ZNF568: variants seen among roughly 807,000 people sequenced by gnomAD.
The protein encoded by ZNF568 is p53 inhibitor of SCO2 activation.
In ZNF568, 11 loss-of-function variants were observed where a neutral mutation model predicts 18.1. The observed-to-expected ratio is 0.61, with a 90% CI of 0.38 to 1.00. ZNF568 has a LOEUF of 1.00. Ranked by LOEUF, ZNF568 falls within the 50% of genes least tolerant of loss-of-function variation. The pLI is 0.01. For synonymous variants in ZNF568, 213 were observed against 246.6 expected, an observed-to-expected ratio of 0.86 and a Z score of 1.28; for missense variants, 639 against 768.2, an observed-to-expected ratio of 0.83 and a Z score of 1.99.
In ZNF568 at chr19:36,951,364, G is replaced by A. The variant is rs918924398; in HGVS notation, c.*276G>A. On this transcript the variant is annotated 3_prime_UTR_variant, in exon 7 of 7. Coordinates refer to ENST00000333987, the MANE Select transcript of ZNF568 (RefSeq NM_198539.4). ...ATGATTATAAAATTCATGTGAAATA[G>A]AAGTGTATGAATTGCTGCGACAATT... 3 of 256,498 alleles carry A rather than the reference G, an allele frequency of 1.2e-5. No individual in the cohort carries two copies. The highest frequency in any genetic ancestry group is 5.0e-5 in the Admixed American group (1 of 19,810). 15.9% of individuals were successfully genotyped at this position (256,498 alleles called of 1,614,324 possible).
intron 6 of ZNF568, among the ~76,000 whole-genome samples, chr19:36,939,571 A>C: frequency 8.7e-6 from 1 of 115,458 alleles, no homozygotes; most frequent in Non-Finnish European, 1.6e-5. Context: ...ACGGAGTCTC[A>C]CTCTGTCATC....
At chr19:36,934,289 ATCT>A (rs956054444) in intron 4 of ZNF568, among the ~76,000 whole-genome samples, 4 of 143,230 alleles carry the variant, frequency 2.8e-5, no homozygotes, top group Non-Finnish European at 6.1e-5. Context: ...TAGTTTGATC[ATCT>A]TCTTCTAGTA....
intron 2 of ZNF568, among the ~76,000 whole-genome samples, chr19:36,990,029 T>C (rs2074410459): frequency 6.6e-6 from 1 of 152,186 alleles, no homozygotes; most frequent in African/African-American, 2.4e-5. Context: ...GGAATTGATG[T>C]TGATTTATTG....
intron 2 of ZNF568, 91 bp from the exon 3 acceptor site, chr19:36,922,495 G>A (rs549136324): frequency 2.1e-5 from 7 of 329,354 alleles, no homozygotes; most frequent in South Asian, 1.4e-4. Flanking sequence ...ACCAGAAGAC[G>A]GTGGTCACTG....
chr19:36,918,148 A>G (rs1406104729), intron 2 of ZNF568, among the ~76,000 whole-genome samples: 1 of 152,098 alleles, frequency 6.6e-6, no homozygotes, highest in African/African-American at 2.4e-5. Flanking sequence ...GGGTTTCACC[A>G]TGTTAGCCAC....
chr19:36,946,525 C>T (rs1290775797), intron 6 of ZNF568, among the ~76,000 whole-genome samples: 1 of 151,542 alleles, frequency 6.6e-6, no homozygotes, highest in Non-Finnish European at 1.5e-5. Flanking sequence ...ATAAGGAATC[C>T]ATCGTTGTTA....
intron 2 of ZNF568, among the ~76,000 whole-genome samples, chr19:36,987,822 C>CTGTGTGTGTGTGTGTGTGTG (rs56000710): frequency 0.04 from 5,815 of 146,270 alleles, 142 homozygotes; most frequent in East Asian, 0.06. Context: ...AACACAGACT[C>CTGTGTGTGTGTGTGTGTGTG]TGTGTGTGTG....
intron 4 of ZNF568, among the ~76,000 whole-genome samples, chr19:36,993,411 G>T (rs1221910889): frequency 6.6e-6 from 1 of 152,110 alleles, no homozygotes; most frequent in East Asian, 1.9e-4. Context: ...TTGGTATCAG[G>T]GTAATACAGG....
chr19:36,949,808 G>A lies in ZNF568; in HGVS notation c.655G>A (p.Val219Ile). The part of the protein sequence containing the change: ...KPFYHCASYV[V>I]TPFKCNQCGQ... ...ATTTTACCATTGTGCATCCTATGTT[G>A]TAACCCCCTTTAAGTGTAATCAGTG... Residue 219 changes from valine (V) to isoleucine (I), a missense_variant, in exon 7 of 7, where the codon GTA (valine) becomes ATA (isoleucine). Transcript: ENST00000333987. 2 of 1,613,968 alleles carry A rather than the reference G, an allele frequency of 1.2e-6. No individual in the cohort carries two copies. Among genetic ancestry groups the A allele is most frequent in the Non-Finnish European group, 1.7e-6 (2 of 1,179,938 alleles).
intron 4 of ZNF568, among the ~76,000 whole-genome samples, chr19:36,927,893 A>G (rs2073601465): frequency 3.9e-5 from 1 of 25,330 alleles, no homozygotes; most frequent in African/African-American, 2.3e-4. Flanking sequence ...TATATTATAT[A>G]TATATATATA....
chr19:36,987,255 C>G (rs1449201), intron 2 of ZNF568, among the ~76,000 whole-genome samples: 1 of 151,888 alleles, frequency 6.6e-6, no homozygotes, highest in African/African-American at 2.4e-5. Flanking sequence ...ATGTACTGGC[C>G]GTGAGGATTC....
chr19:36,918,796 C>A (rs144199899), intron 2 of ZNF568, among the ~76,000 whole-genome samples: 1 of 152,134 alleles, frequency 6.6e-6, no homozygotes, highest in African/African-American at 2.4e-5. Context: ...CTCTGTACCC[C>A]CCTTTCCCCC....
At position 36,937,167 on chromosome 19, in the gene ZNF568, G is replaced by C; in HGVS notation, c.283G>C (p.Asp95His). ...VTVGCQVTKP[D>H]VIFKLEQEEE... ...AATAGGCTGTCAAGTCACCAAACCG[G>C]ATGTGATATTCAAGTTGGAGCAAGA... Residue 95 changes from aspartate to histidine, a missense_variant, in exon 6 of 7, where the codon GAT (aspartate) becomes CAT (histidine). By Grantham distance (81) the Asp-to-His change is moderately conservative. Transcript: ENST00000333987. The C allele has an allele frequency of 6.2e-7, 1 of 1,614,004 alleles. No homozygotes were observed.
chr19:36,925,890 A>G (rs1726724), intron 4 of ZNF568, among the ~76,000 whole-genome samples: 55,967 of 152,000 alleles, frequency 0.37, 10,511 homozygotes, highest in African/African-American at 0.41. Context: ...CTTGAGCATC[A>G]GTGGATTTTG....
exon 5 of ZNF568, chr19:36,996,335 A>G (rs1006257658): frequency 8.5e-6 from 13 of 1,530,294 alleles, no homozygotes; most frequent in Non-Finnish European, 1.1e-5. Context: ...TTTGGAAGAG[A>G]AACCAAGAAT....
At chr19:36,983,978 A>G (rs572671070), downstream of ZNF568, among the ~76,000 whole-genome samples, 4 of 143,064 alleles carry the variant, frequency 2.8e-5, no homozygotes, top group Non-Finnish European at 4.5e-5. Context: ...GGCTCACTGC[A>G]ACCTCCACTT....
At chr19:36,995,732 A>G (rs1405126182) in intron 4 of ZNF568, among the ~76,000 whole-genome samples, 1 of 152,068 alleles carries the variant, frequency 6.6e-6, no homozygotes, top group Non-Finnish European at 1.5e-5. Context: ...GTCGCCTTCA[A>G]GATTATAATT....
chr19:36,954,917 T>G (rs1377104425), downstream of ZNF568, among the ~76,000 whole-genome samples: 1 of 151,858 alleles, frequency 6.6e-6, no homozygotes, highest in Non-Finnish European at 1.5e-5. Context: ...TCTCCCTCTG[T>G]TGCCCAGGCT....
chr19:36,980,563 C>T (rs2074323101), downstream of ZNF568, among the ~76,000 whole-genome samples: 1 of 152,124 alleles, frequency 6.6e-6, no homozygotes, highest in African/African-American at 2.4e-5. Flanking sequence ...GGTATTTCCA[C>T]CACCACCACC....
Sources: allele counts gnomAD v4.1 joint callset (sites outside exome capture counted in the v4.1 genomes callset), GRCh38; gene constraint gnomAD v4.1.1; transcripts MANE v1.5; gene names NCBI Gene and HGNC (gene_info 2026-07-23, HGNC 2026-07-21).